Variants in PTPRG observed in about 807,000 individuals in gnomAD.
PTPRG encodes the protein protein tyrosine phosphatase receptor type G.
Under a neutral mutation model 165.3 loss-of-function variants are expected in PTPRG, and 102 were observed. The observed-to-expected ratio is 0.62, with a 90% CI of 0.53 to 0.73. The LOEUF is 0.73. Ranked by LOEUF, PTPRG falls within the 30% of genes least tolerant of loss-of-function variation. The pLI, the probability that PTPRG is intolerant of heterozygous loss-of-function variation, is 0.00. For missense variants in PTPRG, 1,866 were observed against 1,861.4 expected, an observed-to-expected ratio of 1.00 and a Z score of -0.05; for synonymous variants, 675 against 669.5, an observed-to-expected ratio of 1.01 and a Z score of -0.13.
intron 8 of PTPRG, among the ~76,000 whole-genome samples, chr3:62,183,529 A>C (rs887303946): frequency 8.0e-5 from 12 of 149,650 alleles, no homozygotes; most frequent in African/African-American, 2.7e-4. Flanking sequence ...ACACCACTGC[A>C]CTCCAGCCTA....
rs895530672 is a variant in PTPRG at position 62,210,156 on chromosome 3, C to T, written c.2155+6206C>T. Among the ~76,000 whole-genome samples, 2 of 152,188 alleles carry T rather than the reference C, an allele frequency of 1.3e-5. No homozygotes were observed. Among genetic ancestry groups the T allele is most frequent in the Admixed American group, 6.5e-5 (1 of 15,276 alleles). ...CTCTGCATGAAATGGTAAGGGAGCACTTATTCACAGGAACTCTTGGCAGTG... is the reference window on the plus strand; with the variant it reads ...CTCTGCATGAAATGGTAAGGGAGCATTTATTCACAGGAACTCTTGGCAGTG... On this transcript the variant is annotated intron_variant, in intron 12 of 29. Coordinates refer to ENST00000474889, the MANE Select transcript of PTPRG (RefSeq NM_002841.4). The surrounding 1 kb of genome is among the most constrained non-coding windows in gnomAD (Gnocchi z 4.1).
intron 14 of PTPRG, among the ~76,000 whole-genome samples, chr3:62,234,721 G>C (rs1038791789): frequency 1.3e-5 from 2 of 151,806 alleles, no homozygotes; most frequent in African/African-American, 4.8e-5. Context: ...CCAATTCATA[G>C]TTTACTTCTT....
intron 4 of PTPRG, among the ~76,000 whole-genome samples, chr3:62,061,845 G>C (rs1290361599): frequency 6.6e-6 from 1 of 151,568 alleles, no homozygotes; most frequent in South Asian, 2.1e-4. Context: ...GGCCAGGCTG[G>C]TCTGGAACTC....
chr3:61,784,288 G>A (rs1391771939), intron 2 of PTPRG, among the ~76,000 whole-genome samples: 1 of 152,148 alleles, frequency 6.6e-6, no homozygotes, highest in African/African-American at 2.4e-5. Flanking sequence ...GGGGGACGGG[G>A]TTAGGTGATG....
intron 2 of PTPRG, among the ~76,000 whole-genome samples, chr3:61,960,127 G>T (rs2040117858): frequency 6.6e-6 from 1 of 151,814 alleles, no homozygotes; most frequent in Non-Finnish European, 1.5e-5. Context: ...TTTTTCACAA[G>T]CTGCATTTAC....
At chr3:62,155,122 A>G (rs1364659342) in intron 6 of PTPRG, among the ~76,000 whole-genome samples, 2 of 152,252 alleles carry the variant, frequency 1.3e-5, no homozygotes, top group Non-Finnish European at 2.9e-5. Flanking sequence ...CCTTTTGTAC[A>G]GCAGAAATTG....
In PTPRG at chr3:62,159,393, T is replaced by C. The variant is rs1478813084; in HGVS notation, c.840+2169T>C. Reference sequence around the variant, plus strand: ...AATACTGATTTGGCTACTTTTCATATAGAATTCCATGTAAGGAGAGGCAGA... The same window carrying C: ...AATACTGATTTGGCTACTTTTCATACAGAATTCCATGTAAGGAGAGGCAGA... On this transcript the variant is annotated intron_variant, in intron 7 of 29. Coordinates refer to ENST00000474889, the MANE Select transcript of PTPRG (RefSeq NM_002841.4). 5.9e-5 allele frequency among the ~76,000 whole-genome samples: 9 copies of C among 152,086 alleles called. 1 individual carries two copies. Among genetic ancestry groups the C allele is most frequent in the Admixed American group, 5.9e-4 (9 of 15,268 alleles).
At chr3:62,078,116 TTA>T (rs1262816110) in intron 4 of PTPRG, 45 bp from the exon 5 acceptor site, 5 of 1,329,576 alleles carry the variant, frequency 3.8e-6, no homozygotes, top group African/African-American at 1.5e-5. Flanking sequence ...AACTTTTTAT[TTA>T]TGTTTGAAAA....
intron 1 of PTPRG, among the ~76,000 whole-genome samples, chr3:61,698,746 A>G (rs1374667659): frequency 1.3e-5 from 2 of 152,214 alleles, no homozygotes; most frequent in Non-Finnish European, 2.9e-5. Context: ...TTCATTTTAA[A>G]TAACTAATAC....
In PTPRG at chr3:62,161,221, G is replaced by A. The variant is rs143451631; in HGVS notation, c.840+3997G>A. Among the ~76,000 whole-genome samples the A allele has an allele frequency of 9.9e-5, 15 of 152,198 alleles. No individual in the cohort carries two copies. The East Asian group carries it at 2.5e-3, about 25-fold the overall frequency. The stretch of plus-strand genomic sequence containing the variant: ...AGGAAGTGCTTTGGAGATATTAGGC[G>A]TTGTTGTTGTTGTTGGTTTTGTTGT... On this transcript the variant is annotated intron_variant, in intron 7 of 29. Transcript: ENST00000474889.
intron 5 of PTPRG, 83 bp from the exon 6 acceptor site, chr3:62,132,519 C>A: frequency 9.2e-7 from 1 of 1,085,604 alleles, no homozygotes; most frequent in Non-Finnish European, 1.4e-6. Flanking sequence ...TCTATTCTCC[C>A]CCTTCTCTTT....
intron 1 of PTPRG, among the ~76,000 whole-genome samples, chr3:61,673,150 A>C (rs1379665679): frequency 3.9e-5 from 6 of 152,146 alleles, no homozygotes; most frequent in African/African-American, 1.4e-4. Context: ...CAACAGAGCG[A>C]TACTCTGTCT....
chr3:62,064,319 A>T (rs1700927074), intron 4 of PTPRG, among the ~76,000 whole-genome samples: 1 of 152,172 alleles, frequency 6.6e-6, no homozygotes. Context: ...TACCCACAGG[A>T]CACAAACTAT....
At chr3:62,028,848 T>A (rs1403207574) in intron 4 of PTPRG, among the ~76,000 whole-genome samples, 1 of 152,232 alleles carries the variant, frequency 6.6e-6, no homozygotes, top group Non-Finnish European at 1.5e-5. Context: ...GTAGACAGCT[T>A]CTCTTAGTTG....
At chr3:62,248,504 A>G (rs1342960973) in intron 15 of PTPRG, among the ~76,000 whole-genome samples, 1 of 152,186 alleles carries the variant, frequency 6.6e-6, no homozygotes, top group African/African-American at 2.4e-5. Flanking sequence ...TGTCTTTAAG[A>G]TCCATAATAT....
At chr3:62,006,190 A>G (rs969336909) in intron 4 of PTPRG, among the ~76,000 whole-genome samples, 6 of 152,152 alleles carry the variant, frequency 3.9e-5, no homozygotes, top group African/African-American at 1.4e-4. Flanking sequence ...GCCTATATCA[A>G]TTGGGTTTCT....
intron 3 of PTPRG, among the ~76,000 whole-genome samples, chr3:61,998,598 G>T (rs1257433632): frequency 6.6e-6 from 1 of 152,148 alleles, no homozygotes; most frequent in Admixed American, 6.5e-5. Context: ...TAAGCTTCAC[G>T]TGTGCCCCAT....
At chr3:62,192,222 C>T (rs1047513206) in intron 9 of PTPRG, among the ~76,000 whole-genome samples, 2 of 151,928 alleles carry the variant, frequency 1.3e-5, no homozygotes, top group Non-Finnish European at 2.9e-5. Flanking sequence ...TCTCTTTTCT[C>T]AGATACTCAA....
Position 62,295,909 on chromosome 3 carries a change from T to C in PTPRG, c.*2602T>C, listed in dbSNP as rs1317756358. The C allele has an allele frequency of 6.6e-6, 1 of 152,122 alleles. No homozygotes were observed. Among genetic ancestry groups the C allele is most frequent in the East Asian group, 1.9e-4 (1 of 5,186 alleles). The allele number at this position is 152,122 out of a possible 1,614,324, so 9.4% of individuals were successfully genotyped here. ...CAAAGACAGGGTTTTCTTTGAGACA[T>C]AAGCACATTGCTTAAGTACATAACA... On this transcript the variant is annotated 3_prime_UTR_variant, in exon 30 of 30. Transcript: ENST00000474889.
Sources: gnomAD v4.1 joint callset for allele counts (sites outside exome capture counted in the v4.1 genomes callset) on GRCh38, gnomAD v4.1.1 for gene constraint, Gnocchi (gnomAD v3.1) non-coding constraint, MANE v1.5 for transcripts, NCBI Gene and HGNC (gene_info 2026-07-23, HGNC 2026-07-21) for gene names.